The following EYS variants were observed in gnomAD, a reference collection of about 807,000 sequenced individuals.
EYS encodes the protein EGF-like photoreceptor maintenance factor.
Under a neutral mutation model 282.1 loss-of-function variants are expected in EYS, and 250 were observed. The ratio of observed to expected loss-of-function variants is 0.89; its 90% CI spans 0.80 to 0.98. EYS has a LOEUF of 0.98. EYS is among the 50% of genes least tolerant of loss of function. The pLI, the probability that EYS is intolerant of heterozygous loss-of-function variation, is 0.00. For synonymous variants in EYS, 1,355 were observed against 1,282.9 expected (o/e 1.06, Z -1.20); for missense variants, 4,016 against 3,709.0 (o/e 1.08, Z -2.15).
At chr6:64,336,168 G>A (rs1419850148) in intron 29 of EYS, among the ~76,000 whole-genome samples, 2 of 152,152 alleles carry the variant, frequency 1.3e-5, no homozygotes, top group South Asian at 2.1e-4. Flanking sequence ...TGGCCTAAAT[G>A]TTCCACTTAA....
intron 24 of EYS, among the ~76,000 whole-genome samples, chr6:64,616,977 C>T (rs1373515381): frequency 6.6e-6 from 1 of 152,010 alleles, no homozygotes; most frequent in Non-Finnish European, 1.5e-5. Context: ...GGAGTTCAGG[C>T]CAGTTCAAAC....
Position 65,423,961 on chromosome 6 carries a change from A to C in EYS, c.863-18594T>G, listed in dbSNP as rs184727552. ...ACTTTTCAATTCCTTTCAGTTGTCA[A>C]TTTCTCTTTTAGGTTCCTATGTGTC... On this transcript the variant is annotated intron_variant, in intron 5 of 42. Coordinates refer to ENST00000503581, the MANE Select transcript of EYS (RefSeq NM_001142800.2). 5.9e-5 allele frequency among the ~76,000 whole-genome samples: 9 copies of C among 151,960 alleles called. No homozygotes were observed. In the East Asian group the frequency reaches 1.5e-3, roughly 26 times the overall value.
intron 26 of EYS, among the ~76,000 whole-genome samples, chr6:64,565,591 T>C (rs1765540887): frequency 6.6e-6 from 1 of 152,102 alleles, no homozygotes; most frequent in Non-Finnish European, 1.5e-5. Flanking sequence ...AGAATGGTGG[T>C]TGCCACAAGC....
intron 2 of EYS, among the ~76,000 whole-genome samples, chr6:65,639,414 A>G (rs1312363314): frequency 1.3e-5 from 2 of 152,148 alleles, no homozygotes; most frequent in African/African-American, 2.4e-5. Context: ...AAATTATTCA[A>G]TCCTTTCATC....
intron 12 of EYS, among the ~76,000 whole-genome samples, chr6:65,240,913 C>A (rs1767042263): frequency 6.6e-6 from 1 of 152,162 alleles, no homozygotes; most frequent in South Asian, 2.1e-4. Context: ...AGTGTATAAG[C>A]ATTCCCCTTT....
intron 19 of EYS, among the ~76,000 whole-genome samples, chr6:64,849,663 T>C (rs1765821491): frequency 6.6e-6 from 1 of 152,028 alleles, no homozygotes; most frequent in African/African-American, 2.4e-5. Flanking sequence ...AGGAATTTTT[T>C]ATAAGCTCAT....
chr6:65,271,128 T>TTTTATATATATATATATATATATATATA (rs1189830101), intron 12 of EYS, among the ~76,000 whole-genome samples: 2 of 55,786 alleles, frequency 3.6e-5, no homozygotes, highest in Non-Finnish European at 3.7e-5. Flanking sequence ...AATCAATAGA[T>TTTTATATATATATATATATATATATATA]TATATATATA....
intron 22 of EYS, among the ~76,000 whole-genome samples, chr6:64,795,436 T>C (rs2150003721): frequency 6.6e-6 from 1 of 152,258 alleles, no homozygotes; most frequent in African/African-American, 2.4e-5. Flanking sequence ...ATATCTATAA[T>C]TGTTTTTAGT....
At chr6:64,451,008 GA>G (rs1490072280) in intron 26 of EYS, among the ~76,000 whole-genome samples, 1 of 151,816 alleles carries the variant, frequency 6.6e-6, no homozygotes, top group East Asian at 1.9e-4. Flanking sequence ...AACTAAGATC[GA>G]GCAGAACTGA....
intron 19 of EYS, among the ~76,000 whole-genome samples, chr6:64,854,524 T>G (rs1362616656): frequency 7.2e-6 from 1 of 138,310 alleles, no homozygotes; most frequent in African/African-American, 2.7e-5. Context: ...TTCTCACTCA[T>G]AGGTGGGAAT....
At chr6:64,282,428 C>T (rs1439347584) in intron 30 of EYS, among the ~76,000 whole-genome samples, 1 of 152,118 alleles carries the variant, frequency 6.6e-6, no homozygotes, top group East Asian at 1.9e-4. Flanking sequence ...GAAATATAAT[C>T]CAATCATTTA....
At chr6:65,334,505 A>G (rs1769908740) in intron 11 of EYS, among the ~76,000 whole-genome samples, 1 of 151,796 alleles carries the variant, frequency 6.6e-6, no homozygotes, top group South Asian at 2.1e-4. Flanking sequence ...CTTGGCCTCA[A>G]GCTATTCTCT....
chr6:64,959,359 T>A (rs1001772336), intron 14 of EYS, among the ~76,000 whole-genome samples: 1 of 152,196 alleles, frequency 6.6e-6, no homozygotes, highest in African/African-American at 2.4e-5. Flanking sequence ...CTCCTCAGAG[T>A]AATCAGGGAT....
intron 35 of EYS, among the ~76,000 whole-genome samples, chr6:63,910,319 G>A (rs1773883473): frequency 6.6e-6 from 1 of 152,124 alleles, no homozygotes; most frequent in Non-Finnish European, 1.5e-5. Flanking sequence ...GGAGGTTGGG[G>A]CTACTGATAA....
intron 1 of EYS, among the ~76,000 whole-genome samples, chr6:65,669,527 A>G (rs1183723146): frequency 1.3e-5 from 2 of 151,944 alleles, no homozygotes; most frequent in African/African-American, 4.8e-5. Flanking sequence ...GTCCTTCATG[A>G]TGTCAATAGC....
intron 31 of EYS, among the ~76,000 whole-genome samples, chr6:64,117,653 T>C (rs1049474410): frequency 2.5e-4 from 37 of 150,756 alleles, no homozygotes; most frequent in African/African-American, 5.3e-4. Flanking sequence ...CAAGAATGAA[T>C]AGTAAAAAAA....
intron 11 of EYS, among the ~76,000 whole-genome samples, chr6:65,314,525 C>T (rs1769246443): frequency 7.1e-6 from 1 of 141,200 alleles, no homozygotes. Context: ...TTCAAAAGCA[C>T]TCAACCCTCT....
intron 29 of EYS, among the ~76,000 whole-genome samples, chr6:64,321,658 T>C (rs1770223341): frequency 6.6e-6 from 1 of 151,804 alleles, no homozygotes; most frequent in Admixed American, 6.6e-5. Flanking sequence ...ACTTGGAAAA[T>C]AATAGATCAA....
chr6:64,332,229 G>C (rs911850976), intron 29 of EYS, among the ~76,000 whole-genome samples: 2 of 152,030 alleles, frequency 1.3e-5, no homozygotes, highest in African/African-American at 4.8e-5. Flanking sequence ...AATTAACCGG[G>C]TATTCACCCT....
Sources: gnomAD v4.1 joint callset for allele counts (sites outside exome capture counted in the v4.1 genomes callset) on GRCh38, gnomAD v4.1.1 for gene constraint, MANE v1.5 for transcripts, NCBI Gene and HGNC (gene_info 2026-07-23, HGNC 2026-07-21) for gene names.